The following MAML3 variants were observed in gnomAD, a reference collection of about 807,000 sequenced individuals.
MAML3 encodes mastermind-like protein 3.
MAML3 carries 27 observed loss-of-function variants against 101.9 expected under a neutral mutation model. That is an observed-to-expected ratio of 0.27 (90% CI 0.20 to 0.37). The LOEUF is 0.37. Among genes scored for constraint, MAML3 ranks in the 10% least tolerant of loss-of-function variants. The probability of loss-of-function intolerance (pLI) is 1.00; values close to 1 mark genes in which losing one functional copy is unlikely to be tolerated. For missense variants in MAML3, 1,316 were observed against 1,444.9 expected (o/e 0.91, Z 1.45); for synonymous variants, 501 against 555.9 (o/e 0.90, Z 1.39).
intron 1 of MAML3, among the ~76,000 whole-genome samples, chr4:140,073,388 T>A (rs1727697980): frequency 6.6e-6 from 1 of 152,152 alleles, no homozygotes; most frequent in African/African-American, 2.4e-5. Context: ...TCCACCCACG[T>A]AGGTCTCCCA....
At chr4:139,862,224 C>CA (rs973109780) in intron 2 of MAML3, among the ~76,000 whole-genome samples, 6 of 151,778 alleles carry the variant, frequency 4.0e-5, no homozygotes, top group African/African-American at 9.7e-5. Context: ...AACAAACAAA[C>CA]AAAAAAAACA....
chr4:139,990,329 G>A lies in MAML3; in HGVS notation c.469-99362C>T, dbSNP rs539818945. 7.9e-5 allele frequency among the ~76,000 whole-genome samples: 12 copies of A among 152,146 alleles called. No individual in the cohort carries two copies. In the South Asian group the frequency reaches 2.1e-3, roughly 26 times the overall value. ...TGATTATCTCAATAGATGCAGAAAAGGCCTTTGACAAAATTCAACAACTCT... is the reference window on the plus strand; with the variant it reads ...TGATTATCTCAATAGATGCAGAAAAAGCCTTTGACAAAATTCAACAACTCT... On this transcript the variant is annotated intron_variant, in intron 1 of 4. Transcript: ENST00000509479.
intron 1 of MAML3, among the ~76,000 whole-genome samples, chr4:140,148,592 A>G (rs1729103550): frequency 6.6e-6 from 1 of 152,232 alleles, no homozygotes; most frequent in Admixed American, 6.5e-5. Context: ...ATCATAGGGA[A>G]GATGTAGAAA....
chr4:139,999,018 A>T (rs1233636736), intron 1 of MAML3, among the ~76,000 whole-genome samples: 1 of 152,124 alleles, frequency 6.6e-6, no homozygotes, highest in Non-Finnish European at 1.5e-5. Flanking sequence ...AGTTCAGGCC[A>T]TTTTCAAGTA....
intron 1 of MAML3, among the ~76,000 whole-genome samples, chr4:140,109,355 C>T (rs765115386): frequency 2.6e-5 from 4 of 152,292 alleles, no homozygotes; most frequent in Non-Finnish European, 5.9e-5. Context: ...ATACTTCTCA[C>T]TAGCAAAAAT....
At chr4:139,736,923 A>ACAAAATTTT (rs1475342675) in intron 2 of MAML3, among the ~76,000 whole-genome samples, 1 of 152,202 alleles carries the variant, frequency 6.6e-6, no homozygotes, top group Non-Finnish European at 1.5e-5. Context: ...CTGCTTTGGA[A>ACAAAATTTT]CAAAATTTTC....
At chr4:139,884,523 G>A (rs1458069664) in intron 2 of MAML3, among the ~76,000 whole-genome samples, 1 of 152,172 alleles carries the variant, frequency 6.6e-6, no homozygotes. Context: ...TTCCCCACAG[G>A]AGTTATTCTT....
At chr4:139,909,762 G>A (rs554715848) in intron 1 of MAML3, among the ~76,000 whole-genome samples, 1 of 149,924 alleles carries the variant, frequency 6.7e-6, no homozygotes, top group South Asian at 2.1e-4. Flanking sequence ...GCTTGAACCT[G>A]GGAAGTGGAG....
intron 1 of MAML3, among the ~76,000 whole-genome samples, chr4:140,128,652 C>T (rs1375815005): frequency 6.6e-6 from 1 of 152,168 alleles, no homozygotes; most frequent in Admixed American, 6.5e-5. Flanking sequence ...AAGGCAGCTG[C>T]AGTGGTCCTC....
chr4:139,903,875 C>T (rs535080980), intron 1 of MAML3, among the ~76,000 whole-genome samples: 71 of 152,274 alleles, frequency 4.7e-4, no homozygotes, highest in African/African-American at 1.4e-3. Flanking sequence ...ACTCATTAGA[C>T]GGCACCATCT....
At chr4:139,911,080 T>A (rs1732911549) in intron 1 of MAML3, among the ~76,000 whole-genome samples, 1 of 152,198 alleles carries the variant, frequency 6.6e-6, no homozygotes, top group South Asian at 2.1e-4. Flanking sequence ...CAACCACCAC[T>A]CTACTTTCTG....
chr4:139,957,566 C>T (rs538813735), intron 1 of MAML3, among the ~76,000 whole-genome samples: 1 of 152,218 alleles, frequency 6.6e-6, no homozygotes, highest in East Asian at 1.9e-4. Context: ...TATCACAGAG[C>T]CTTAGTGTTT....
chr4:139,940,632 C>T (rs1215290988), intron 1 of MAML3, among the ~76,000 whole-genome samples: 2 of 152,332 alleles, frequency 1.3e-5, no homozygotes, highest in Non-Finnish European at 2.9e-5. Context: ...GTGTTAGCTG[C>T]TTCACGAATG....
intron 1 of MAML3, among the ~76,000 whole-genome samples, chr4:139,992,956 C>G (rs1364711912): frequency 6.6e-6 from 1 of 152,208 alleles, no homozygotes; most frequent in Non-Finnish European, 1.5e-5. Context: ...TGAGCACATA[C>G]TTCATGTTTA....
chr4:139,838,232 G>C (rs909921444), intron 2 of MAML3, among the ~76,000 whole-genome samples: 2 of 152,100 alleles, frequency 1.3e-5, no homozygotes, highest in African/African-American at 4.8e-5. Context: ...TGGTCCCAAG[G>C]CTACTCTTAA....
intron 2 of MAML3, among the ~76,000 whole-genome samples, chr4:139,789,337 G>C (rs760694006): frequency 6.6e-6 from 1 of 152,188 alleles, no homozygotes; most frequent in Non-Finnish European, 1.5e-5. Flanking sequence ...GTTGGGGTGG[G>C]GTAGTCTGGA....
intron 1 of MAML3, among the ~76,000 whole-genome samples, chr4:140,104,127 T>C (rs1044817497): frequency 6.6e-6 from 1 of 151,208 alleles, no homozygotes; most frequent in South Asian, 2.1e-4. Context: ...GGCTCATGCC[T>C]GTAATCCAGC....
intron 1 of MAML3, among the ~76,000 whole-genome samples, chr4:140,074,138 AAAAG>A (rs780274395): frequency 1.6e-4 from 23 of 148,096 alleles, no homozygotes; most frequent in East Asian, 6.0e-4. Context: ...AAAAGAAAGA[AAAAG>A]AAAGAAAGAA....
chr4:140,041,449 C>T (rs1351347482), intron 1 of MAML3, among the ~76,000 whole-genome samples: 1 of 152,104 alleles, frequency 6.6e-6, no homozygotes, highest in Non-Finnish European at 1.5e-5. Flanking sequence ...CATGGCGAAA[C>T]CCCGTCTCTA....
Sources: allele counts gnomAD v4.1 joint callset (sites outside exome capture counted in the v4.1 genomes callset), GRCh38; gene constraint gnomAD v4.1.1; transcripts MANE v1.5; gene names NCBI Gene and HGNC (gene_info 2026-07-23, HGNC 2026-07-21).